Variants in ATRNL1 observed in about 807,000 individuals in gnomAD.
The protein encoded by ATRNL1 is attractin-like protein 1.
In ATRNL1, 95 loss-of-function variants were observed where a neutral mutation model predicts 182.7. The ratio of observed to expected loss-of-function variants is 0.52; its 90% CI spans 0.44 to 0.62. The LOEUF is 0.62. ATRNL1 is among the 20% of genes least tolerant of loss of function. ATRNL1 has a pLI of 0.00. For missense variants in ATRNL1, 1,471 were observed against 1,679.5 expected (o/e 0.88, Z 2.17); for synonymous variants, 576 against 568.3 (o/e 1.01, Z -0.19).
chr10:115,445,261 T>C (rs1846903314), intron 21 of ATRNL1, among the ~76,000 whole-genome samples: 2 of 150,092 alleles, frequency 1.3e-5, no homozygotes, highest in African/African-American at 4.9e-5. Context: ...AAACCCCATC[T>C]CTACTAAAAA....
At chr10:115,590,033 A>G (rs915872539) in intron 26 of ATRNL1, among the ~76,000 whole-genome samples, 4 of 152,214 alleles carry the variant, frequency 2.6e-5, no homozygotes, top group African/African-American at 9.6e-5. Context: ...ACAATGTAAA[A>G]TATACTGTGG....
At chr10:115,349,498 C>T (rs868958670) in intron 19 of ATRNL1, among the ~76,000 whole-genome samples, 11 of 152,254 alleles carry the variant, frequency 7.2e-5, no homozygotes, top group Middle Eastern at 3.4e-3. Context: ...CTGGATCATA[C>T]GTAGTTCTGT....
At chr10:115,803,256 A>G (rs1555084791) in intron 27 of ATRNL1, among the ~76,000 whole-genome samples, 1 of 114,222 alleles carries the variant, frequency 8.8e-6, no homozygotes, top group Non-Finnish European at 2.0e-5. Flanking sequence ...TGGCAAGATT[A>G]TTTTGGTTCA....
chr10:115,338,258 T>C (rs936421471), intron 19 of ATRNL1, among the ~76,000 whole-genome samples: 8 of 152,214 alleles, frequency 5.3e-5, no homozygotes, highest in African/African-American at 1.9e-4. Flanking sequence ...TACCCAGCCA[T>C]GGAATTGCTG....
At chr10:115,492,909 C>T (rs1849376816) in intron 24 of ATRNL1, among the ~76,000 whole-genome samples, 1 of 152,078 alleles carries the variant, frequency 6.6e-6, no homozygotes, top group South Asian at 2.1e-4. Context: ...TCCCAAAGTA[C>T]AGGGATTACA....
chr10:115,355,575 A>G (rs1293786250), intron 19 of ATRNL1, among the ~76,000 whole-genome samples: 1 of 152,086 alleles, frequency 6.6e-6, no homozygotes, highest in Non-Finnish European at 1.5e-5. Context: ...TGTTTATCCA[A>G]TTATTTGTAA....
intron 26 of ATRNL1, among the ~76,000 whole-genome samples, chr10:115,686,177 GT>G (rs1232611107): frequency 1.3e-5 from 2 of 151,736 alleles, no homozygotes; most frequent in Non-Finnish European, 2.9e-5. Context: ...TCAGAAGGAA[GT>G]GCTATTTTTA....
chr10:115,666,803 A>G (rs11197397), intron 26 of ATRNL1, among the ~76,000 whole-genome samples: 5 of 152,092 alleles, frequency 3.3e-5, no homozygotes, highest in Admixed American at 2.6e-4. Flanking sequence ...ATTGGACAGC[A>G]CTCATCTAGA....
intron 26 of ATRNL1, among the ~76,000 whole-genome samples, chr10:115,666,276 A>G (rs1360216350): frequency 6.6e-6 from 1 of 152,168 alleles, no homozygotes; most frequent in Admixed American, 6.5e-5. Context: ...ATTGGCTGTT[A>G]TGATTAACTG....
At chr10:115,177,895 G>GTT (rs1451534197) in intron 8 of ATRNL1, among the ~76,000 whole-genome samples, 1 of 96,572 alleles carries the variant, frequency 1.0e-5, no homozygotes, top group Non-Finnish European at 2.3e-5. Flanking sequence ...TTTTGGTTTT[G>GTT]TTTTTTTGTT....
chr10:115,258,194 G>A (rs2133862633), intron 10 of ATRNL1, among the ~76,000 whole-genome samples: 1 of 152,282 alleles, frequency 6.6e-6, no homozygotes, highest in South Asian at 2.1e-4. Flanking sequence ...ATAATATCCT[G>A]CAGAGTGTTT....
At chr10:115,447,116 A>T (rs1289031359) in intron 21 of ATRNL1, among the ~76,000 whole-genome samples, 2 of 151,830 alleles carry the variant, frequency 1.3e-5, no homozygotes, top group Admixed American at 6.6e-5. Context: ...CATAAAGAAT[A>T]GTTTATCTTT....
intron 24 of ATRNL1, among the ~76,000 whole-genome samples, chr10:115,508,243 A>C (rs1554981795): frequency 6.6e-6 from 1 of 152,048 alleles, no homozygotes; most frequent in Non-Finnish European, 1.5e-5. Flanking sequence ...AGCTTAATTA[A>C]TGTGGTGTTT....
chr10:115,123,548 TAGTA>T (rs1159473800), intron 3 of ATRNL1, among the ~76,000 whole-genome samples: 2 of 152,148 alleles, frequency 1.3e-5, no homozygotes, highest in African/African-American at 4.8e-5. Context: ...TTAGAGTACA[TAGTA>T]AGGAAGAAGG....
chr10:115,678,325 A>C (rs1349504122), intron 26 of ATRNL1, among the ~76,000 whole-genome samples: 2 of 152,116 alleles, frequency 1.3e-5, no homozygotes, highest in African/African-American at 4.8e-5. Flanking sequence ...TATAAGTACA[A>C]TTGAACAATA....
intron 18 of ATRNL1, among the ~76,000 whole-genome samples, chr10:115,320,433 T>C (rs1554931057): frequency 6.6e-6 from 1 of 152,196 alleles, no homozygotes; most frequent in African/African-American, 2.4e-5. Context: ...ATTTGAATAT[T>C]GGCCTGCCTT....
At chr10:115,311,102 G>A (rs1470464675) in intron 17 of ATRNL1, among the ~76,000 whole-genome samples, 2 of 151,598 alleles carry the variant, frequency 1.3e-5, no homozygotes, top group African/African-American at 2.4e-5. Flanking sequence ...AAATTTTCAT[G>A]TATTTACATA....
At chr10:115,797,453 G>A (rs7096066) in intron 27 of ATRNL1, among the ~76,000 whole-genome samples, 1,647 of 152,258 alleles carry the variant, frequency 0.011, 34 homozygotes, top group African/African-American at 0.038. Flanking sequence ...TGGGGCAGAA[G>A]GAAGGGCTGG....
intron 28 of ATRNL1, among the ~76,000 whole-genome samples, chr10:115,914,708 C>T (rs1023821454): frequency 4.3e-4 from 66 of 152,148 alleles, no homozygotes; most frequent in African/African-American, 1.6e-3. Context: ...TGGTGGAGAC[C>T]TTTCCATTTT....
Sources: gnomAD v4.1 joint callset for allele counts (sites outside exome capture counted in the v4.1 genomes callset) on GRCh38, gnomAD v4.1.1 for gene constraint, MANE v1.5 for transcripts, NCBI Gene and HGNC (gene_info 2026-07-23, HGNC 2026-07-21) for gene names.